The following CHST10 variants were observed in gnomAD, a reference collection of about 807,000 sequenced individuals.
CHST10 encodes carbohydrate sulfotransferase 10.
A neutral mutation model predicts 34.7 loss-of-function variants in CHST10; 24 were observed. That is an observed-to-expected ratio of 0.69 (90% confidence interval 0.50 to 0.97). CHST10 has a LOEUF of 0.97. Ranked by LOEUF, CHST10 falls within the 50% of genes least tolerant of loss-of-function variation. The pLI, the probability that CHST10 is intolerant of heterozygous loss-of-function variation, is 0.00. For missense variants in CHST10, 402 were observed against 452.1 expected (o/e 0.89, Z 1.00); for synonymous variants, 161 against 169.3 (o/e 0.95, Z 0.38).
At chr2:100,408,447 A>G (rs1210496148) in intron 2 of CHST10, 5 of 152,098 alleles carry the variant, frequency 3.3e-5, no homozygotes, top group Non-Finnish European at 5.9e-5. Flanking sequence ...CTAAGCCTCA[A>G]TGTCCCATCT....
intron 2 of CHST10, chr2:100,408,807 G>A (rs1675692330): frequency 6.6e-6 from 1 of 151,982 alleles, no homozygotes; most frequent in South Asian, 2.1e-4. Flanking sequence ...CTAAGACAGT[G>A]CACTCAGGGG....
At chr2:100,399,357 G>A (rs1307730784) in intron 4 of CHST10, among the ~76,000 whole-genome samples, 3 of 152,160 alleles carry the variant, frequency 2.0e-5, no homozygotes, top group African/African-American at 4.8e-5. Flanking sequence ...CCGCCACCTC[G>A]GCCTCCCAAA....
At position 100,393,602 on chromosome 2, in the gene CHST10, T is replaced by G. The variant is rs759265127; in HGVS notation, c.714A>C (p.Glu238Asp). ...GATCGCCGAGGTAGCGCACGAAATC[T>G]TCAAACTGGATCCCCCGGGTCTCTG... Reference protein sequence around the residue: ...NRTETRGIQFEDFVRYLGDPN... With the variant: ...NRTETRGIQFDDFVRYLGDPN... The change falls in exon 7 of 7, where the codon GAA becomes GAC. Residue 238 changes from glutamate (E) to aspartate (D), a missense_variant. Glu to Asp is a conservative substitution (Grantham distance 45). Transcript: ENST00000264249. 6.2e-7 allele frequency: 1 copy of G among 1,614,178 alleles called. No individual in the cohort carries two copies. The highest frequency in any genetic ancestry group is 1.1e-5 in the South Asian group (1 of 91,066).
chr2:100,401,921 C>A (rs1046403481), intron 4 of CHST10, among the ~76,000 whole-genome samples: 10 of 152,176 alleles, frequency 6.6e-5, no homozygotes, highest in Admixed American at 5.2e-4. Flanking sequence ...ATTGCAACTT[C>A]AACCCTCTAG....
chr2:100,411,368 T>A (rs1203026156), intron 2 of CHST10, among the ~76,000 whole-genome samples: 1 of 152,130 alleles, frequency 6.6e-6, no homozygotes, highest in Non-Finnish European at 1.5e-5. Context: ...TGCCTTGGAC[T>A]CTCAAAGTGC....
At chr2:100,405,381 G>A (rs1188483683) in intron 3 of CHST10, among the ~76,000 whole-genome samples, 1 of 152,166 alleles carries the variant, frequency 6.6e-6, no homozygotes, top group Non-Finnish European at 1.5e-5. Context: ...ACTGTCATGG[G>A]GAGAACCACC....
At chr2:100,403,677 G>A (rs1675439533) in intron 3 of CHST10, among the ~76,000 whole-genome samples, 1 of 152,150 alleles carries the variant, frequency 6.6e-6, no homozygotes, top group Non-Finnish European at 1.5e-5. Flanking sequence ...AGCAGCCCGG[G>A]AGCACTGAGG....
At chr2:100,399,033 G>A (rs1170054689) in intron 4 of CHST10, among the ~76,000 whole-genome samples, 1 of 151,934 alleles carries the variant, frequency 6.6e-6, no homozygotes, top group Non-Finnish European at 1.5e-5. Context: ...CAACCCCATC[G>A]GCCCCCTCTA....
intron 6 of CHST10, 30 bp from the exon 7 acceptor site, chr2:100,393,812 T>C (rs375864232): frequency 1.3e-6 from 2 of 1,576,116 alleles, no homozygotes; most frequent in Non-Finnish European, 8.6e-7. Flanking sequence ...AGAGGTTAAC[T>C]TGATGCCACA....
chr2:100,407,853 T>C (rs939185924), intron 2 of CHST10: 1 of 152,186 alleles, frequency 6.6e-6, no homozygotes, highest in Non-Finnish European at 1.5e-5. Context: ...TGCCCGTGTA[T>C]AAGGCTTCGT....
chr2:100,415,521 C>G (rs913463035), intron 1 of CHST10, among the ~76,000 whole-genome samples: 1 of 152,052 alleles, frequency 6.6e-6, no homozygotes, highest in African/African-American at 2.4e-5. Flanking sequence ...TAGCCAAATG[C>G]CATATCATAA....
At chr2:100,396,920 C>T (rs999617494) in intron 5 of CHST10, among the ~76,000 whole-genome samples, 1 of 152,308 alleles carries the variant, frequency 6.6e-6, no homozygotes, top group Admixed American at 6.5e-5. Context: ...CTTCTGAAAA[C>T]CCAACATGCT....
At chr2:100,415,182 G>T in intron 1 of CHST10, 71 bp from the exon 2 acceptor site, 1 of 960,974 alleles carries the variant, frequency 1.0e-6, no homozygotes. Flanking sequence ...ATACAACTTG[G>T]TTTATACTTA....
chr2:100,403,857 C>T (rs1416707114), intron 3 of CHST10, among the ~76,000 whole-genome samples: 1 of 152,186 alleles, frequency 6.6e-6, no homozygotes, highest in East Asian at 1.9e-4. Context: ...TTTATGGCCA[C>T]GAGCTTAGAG....
intron 6 of CHST10, 103 bp downstream of exon 6, chr2:100,395,406 T>C: frequency 1.0e-6 from 1 of 978,956 alleles, no homozygotes; most frequent in South Asian, 1.5e-5. Context: ...TCTGTGGTCC[T>C]CCGATCAATC....
In CHST10 at chr2:100,394,867, G is replaced by A. The variant is rs1196441937; in HGVS notation, c.533+642C>T. ...GCCTCCTGAGTAGCTAGGACTACAC[G>A]TGTGTGCCACCACAGCGGGCTATTT... On this transcript the variant is annotated intron_variant, in intron 6 of 6. Coordinates refer to ENST00000264249, the MANE Select transcript of CHST10 (RefSeq NM_004854.5). Among the ~76,000 whole-genome samples, 5 of 151,124 alleles carry A rather than the reference G, an allele frequency of 3.3e-5. No homozygotes were observed. The South Asian group carries it at 6.3e-4, about 19-fold the overall frequency.
At chr2:100,399,411 A>G (rs1337759577) in intron 4 of CHST10, among the ~76,000 whole-genome samples, 1 of 152,136 alleles carries the variant, frequency 6.6e-6, no homozygotes, top group Non-Finnish European at 1.5e-5. Context: ...GGCCATATCT[A>G]TCTCTTAAAG....
intron 2 of CHST10, among the ~76,000 whole-genome samples, chr2:100,412,757 T>C (rs1003884302): frequency 5.9e-5 from 9 of 152,310 alleles, no homozygotes; most frequent in African/African-American, 2.2e-4. Flanking sequence ...CGAGAGTCTA[T>C]TGATGCTCTG....
At chr2:100,395,295 G>C (rs556172823) in intron 6 of CHST10, among the ~76,000 whole-genome samples, 3 of 152,342 alleles carry the variant, frequency 2.0e-5, no homozygotes, top group Non-Finnish European at 4.4e-5. Context: ...AATGGACTGT[G>C]TGAAGGTAAG....
Sources: gnomAD v4.1 joint callset for allele counts (sites outside exome capture counted in the v4.1 genomes callset) on GRCh38, gnomAD v4.1.1 for gene constraint, MANE v1.5 for transcripts, NCBI Gene and HGNC (gene_info 2026-07-23, HGNC 2026-07-21) for gene names.